Variants in POFUT3 observed in about 807,000 individuals in gnomAD.
POFUT3 encodes protein O-fucosyltransferase 3.
the POFUT3 span, among the ~76,000 whole-genome samples, chr8:33,406,426 C>T: frequency 2.6e-5 from 4 of 151,918 alleles, no homozygotes; most frequent in Admixed American, 6.6e-5. Flanking sequence ...ATGAAGTATA[C>T]CATTTACTAG....
chr8:33,332,721 T>A, the POFUT3 span, among the ~76,000 whole-genome samples: 1 of 152,194 alleles, frequency 6.6e-6, no homozygotes, highest in South Asian at 2.1e-4. Context: ...GCATCAACAA[T>A]ATTATTTTTG....
At chr8:33,329,418 T>C in the POFUT3 span, among the ~76,000 whole-genome samples, 2 of 152,258 alleles carry the variant, frequency 1.3e-5, no homozygotes, top group African/African-American at 4.8e-5. Context: ...TTACAAGGTC[T>C]ATTAAAGGAG....
the POFUT3 span, among the ~76,000 whole-genome samples, chr8:33,380,017 A>C: frequency 9.2e-3 from 466 of 50,428 alleles, 22 homozygotes; most frequent in South Asian, 0.033. Context: ...TATATATAGT[A>C]TATATATATA....
chr8:33,460,779 A>G, the POFUT3 span: 1 of 984,856 alleles, frequency 1.0e-6, no homozygotes, highest in Non-Finnish European at 1.2e-6. Flanking sequence ...CACCTGTTTA[A>G]AAAAGGGGGG....
chr8:33,424,542 G>A, the POFUT3 span, among the ~76,000 whole-genome samples: 1 of 152,194 alleles, frequency 6.6e-6, no homozygotes, highest in Non-Finnish European at 1.5e-5. Flanking sequence ...GGGACAGGAT[G>A]CTTTCCAACC....
At chr8:33,465,446 AG>A in the POFUT3 span, among the ~76,000 whole-genome samples, 41 of 151,542 alleles carry the variant, frequency 2.7e-4, no homozygotes, top group Non-Finnish European at 4.3e-4. Flanking sequence ...AGAGAGAGAG[AG>A]AGTTGTTGCT....
chr8:33,389,122 T>C, the POFUT3 span: 1 of 1,614,222 alleles, frequency 6.2e-7, no homozygotes, highest in Non-Finnish European at 8.5e-7. Context: ...GCTTCCATTC[T>C]ACATAGGCCT....
chr8:33,471,868 T>A, the POFUT3 span, among the ~76,000 whole-genome samples: 2 of 152,284 alleles, frequency 1.3e-5, no homozygotes, highest in African/African-American at 4.8e-5. Context: ...TTGGAAGACC[T>A]GAATGATCAC....
chr8:33,463,670 G>A, the POFUT3 span, among the ~76,000 whole-genome samples: 14 of 151,996 alleles, frequency 9.2e-5, no homozygotes, highest in Non-Finnish European at 8.8e-5. Flanking sequence ...TCAGCCTCCC[G>A]AGTAGCTGGG....
At chr8:33,316,729 G>A in the POFUT3 span, among the ~76,000 whole-genome samples, 1 of 135,758 alleles carries the variant, frequency 7.4e-6, no homozygotes, top group Non-Finnish European at 1.5e-5. Context: ...GTGACAGAGT[G>A]AGACTCTGTC....
chr8:33,313,224 G>A, the POFUT3 span, among the ~76,000 whole-genome samples: 1 of 152,036 alleles, frequency 6.6e-6, no homozygotes, highest in Non-Finnish European at 1.5e-5. Flanking sequence ...AATTTTTGAG[G>A]GACAGTCAGG....
At chr8:33,420,468 T>A in the POFUT3 span, among the ~76,000 whole-genome samples, 1 of 152,188 alleles carries the variant, frequency 6.6e-6, no homozygotes. Context: ...TGAAGCTAGA[T>A]GAAGACTAAA....
At chr8:33,380,037 T>TACACTATATATATAC in the POFUT3 span, among the ~76,000 whole-genome samples, 1 of 70,662 alleles carries the variant, frequency 1.4e-5, no homozygotes, top group Non-Finnish European at 2.4e-5. Context: ...ACTATATATA[T>TACACTATATATATAC]ACGATATATA....
the POFUT3 span, among the ~76,000 whole-genome samples, chr8:33,328,162 G>A: frequency 6.6e-6 from 1 of 152,116 alleles, no homozygotes. Flanking sequence ...GTTTCTTGGT[G>A]AAACATAATT....
At chr8:33,431,525 G>A in the POFUT3 span, among the ~76,000 whole-genome samples, 74 of 105,178 alleles carry the variant, frequency 7.0e-4, no homozygotes, top group Non-Finnish European at 6.1e-4. Context: ...TCCAGCCTGG[G>A]CAACAGAGCA....
At chr8:33,309,185 TATATATATATATATACAC>T in the POFUT3 span, among the ~76,000 whole-genome samples, 16 of 112,078 alleles carry the variant, frequency 1.4e-4, 1 homozygote, top group African/African-American at 6.3e-4. Flanking sequence ...TATATATATA[TATATATATATATATACAC>T]ACACATATTT....
At chr8:33,401,781 A>C in the POFUT3 span, among the ~76,000 whole-genome samples, 6 of 152,158 alleles carry the variant, frequency 3.9e-5, no homozygotes, top group Non-Finnish European at 7.4e-5. Context: ...TAATCCACAC[A>C]CTTTGGGAGG....
chr8:33,429,578 G>T, the POFUT3 span, among the ~76,000 whole-genome samples: 2 of 152,230 alleles, frequency 1.3e-5, no homozygotes, highest in South Asian at 2.1e-4. Flanking sequence ...AAGCAATTGA[G>T]GGGGAGGGCA....
chr8:33,455,143 A>G, the POFUT3 span, among the ~76,000 whole-genome samples: 1 of 152,200 alleles, frequency 6.6e-6, no homozygotes, highest in Middle Eastern at 3.2e-3. Flanking sequence ...AGATAGTGAA[A>G]TAATACCTAA....
Sources: gnomAD v4.1 joint callset for allele counts (sites outside exome capture counted in the v4.1 genomes callset) on GRCh38, gnomAD v4.1.1 for gene constraint, MANE v1.5 for transcripts, NCBI Gene and HGNC (gene_info 2026-07-23, HGNC 2026-07-21) for gene names.